Variants in FAAH2 observed in about 807,000 individuals in gnomAD.
The protein encoded by FAAH2 is fatty acid amide hydrolase 2.
Under a neutral mutation model 36.9 loss-of-function variants are expected in FAAH2, and 60 were observed. The observed-to-expected ratio is 1.63, with a 90% CI of 1.32 to 2.02. The LOEUF (loss-of-function observed/expected upper bound fraction) is 2.02. Ranked by LOEUF, FAAH2 falls within the 30% of genes most tolerant of loss-of-function variation. The pLI, the probability that FAAH2 is intolerant of heterozygous loss-of-function variation, is 0.00. For synonymous variants in FAAH2, 214 were observed against 143.8 expected, an observed-to-expected ratio of 1.49 and a Z score of -3.49; for missense variants, 689 against 397.5, an observed-to-expected ratio of 1.73 and a Z score of -6.23.
At chrX:57,441,906 T>C (rs1036368263) in intron 8 of FAAH2, among the ~76,000 whole-genome samples, 3 of 111,752 alleles carry the variant, frequency 2.7e-5, no homozygotes, top group African/African-American at 6.5e-5. Flanking sequence ...AGTTTCCATA[T>C]GGTAGAGCTG....
chrX:57,270,286 G>A, the FAAH2 span, among the ~76,000 whole-genome samples: 1 of 111,500 alleles, frequency 9.0e-6, no homozygotes, highest in African/African-American at 3.3e-5. Context: ...TCTACCAAAT[G>A]TACAAAGAAG....
intron 5 of FAAH2, among the ~76,000 whole-genome samples, chrX:57,351,882 C>T (rs1479081551): frequency 9.6e-6 from 1 of 103,747 alleles, no homozygotes; most frequent in African/African-American, 3.5e-5. Flanking sequence ...CTGAATTCTA[C>T]CAAATAAATA....
the FAAH2 span, among the ~76,000 whole-genome samples, chrX:57,172,906 C>G: frequency 1.8e-5 from 2 of 111,963 alleles, no homozygotes; most frequent in Admixed American, 9.5e-5. Context: ...TGTCTGACTG[C>G]TAAGGTCTCT....
At chrX:57,225,636 G>T in the FAAH2 span, among the ~76,000 whole-genome samples, 3 of 111,789 alleles carry the variant, frequency 2.7e-5, no homozygotes, top group Non-Finnish European at 3.8e-5. Flanking sequence ...GAAATGCTCT[G>T]TAGATATCTG....
the FAAH2 span, among the ~76,000 whole-genome samples, chrX:57,148,936 C>T: frequency 9.0e-6 from 1 of 111,584 alleles, no homozygotes; most frequent in Non-Finnish European, 1.9e-5. Context: ...TATGTCCCGT[C>T]ATACCTAATT....
chrX:57,380,719 A>G (rs1487576347), intron 6 of FAAH2, among the ~76,000 whole-genome samples, 193 bp from the exon 7 acceptor site: 1 of 112,092 alleles, frequency 8.9e-6, no homozygotes, highest in African/African-American at 3.2e-5. Flanking sequence ...TGCATTTCAA[A>G]CCATTCTCTC....
At chrX:57,389,105 G>C (rs1434333409) in intron 7 of FAAH2, among the ~76,000 whole-genome samples, 1 of 106,322 alleles carries the variant, frequency 9.4e-6, no homozygotes, top group Non-Finnish European at 1.9e-5. Context: ...TATTCAATTA[G>C]GTAGTACCAA....
At chrX:57,261,034 A>T in the FAAH2 span, among the ~76,000 whole-genome samples, 1 of 111,747 alleles carries the variant, frequency 8.9e-6, no homozygotes, top group Non-Finnish European at 1.9e-5. Flanking sequence ...CCAATCTTCT[A>T]GATGTTTTTC....
intron 7 of FAAH2, chrX:57,392,599 G>T: frequency 1.2e-6 from 1 of 800,105 alleles, no homozygotes; most frequent in African/African-American, 2.0e-5. Context: ...ATAGACACTG[G>T]CCAGATTTTC....
chrX:57,323,009 G>A (rs953291195), intron 3 of FAAH2, among the ~76,000 whole-genome samples: 13 of 110,068 alleles, frequency 1.2e-4, no homozygotes, highest in African/African-American at 4.3e-4. Context: ...ACAGGCCCCA[G>A]TGTGTGATGT....
intron 10 of FAAH2, among the ~76,000 whole-genome samples, chrX:57,469,195 G>A (rs968852280): frequency 8.1e-5 from 9 of 111,699 alleles, no homozygotes; most frequent in Non-Finnish European, 1.3e-4. Context: ...ATCAACTAAC[G>A]AGCAAAATAA....
intron 7 of FAAH2, among the ~76,000 whole-genome samples, chrX:57,424,619 T>C (rs2056116065): frequency 8.9e-6 from 1 of 111,823 alleles, no homozygotes; most frequent in Admixed American, 9.5e-5. Context: ...ATTAAAACTG[T>C]CTATAACCAA....
the FAAH2 span, among the ~76,000 whole-genome samples, chrX:57,213,458 G>A: frequency 0.075 from 8,319 of 111,283 alleles, 777 homozygotes; most frequent in African/African-American, 0.26. Context: ...TTTGATGTAT[G>A]CATTTAATGC....
the FAAH2 span, among the ~76,000 whole-genome samples, chrX:57,123,328 G>A: frequency 1.2e-4 from 13 of 111,779 alleles, no homozygotes; most frequent in South Asian, 3.7e-4. Context: ...CAAAGGACAC[G>A]GACTCATCAT....
At chrX:57,484,879 G>T (rs1364665005) in intron 10 of FAAH2, among the ~76,000 whole-genome samples, 2 of 111,183 alleles carry the variant, frequency 1.8e-5, no homozygotes, top group Non-Finnish European at 3.8e-5. Flanking sequence ...CTGGACCTGG[G>T]TTGAGCCAGC....
At chrX:57,287,928 C>T (rs1602159522) in intron 1 of FAAH2, among the ~76,000 whole-genome samples, 1 of 111,485 alleles carries the variant, frequency 9.0e-6, no homozygotes, top group Non-Finnish European at 1.9e-5. Context: ...TATTGTACTC[C>T]TGGTTACCTT....
At chrX:57,190,732 C>T in the FAAH2 span, among the ~76,000 whole-genome samples, 2 of 110,217 alleles carry the variant, frequency 1.8e-5, no homozygotes, top group South Asian at 8.1e-4. Context: ...GCATCCATTG[C>T]CTAACCTCTC....
upstream of FAAH2, among the ~76,000 whole-genome samples, chrX:57,283,621 C>T (rs1020230628): frequency 1.8e-5 from 2 of 111,050 alleles, no homozygotes; most frequent in South Asian, 3.9e-4. Context: ...AAGGGTGGGA[C>T]GTCTGTGTAG....
At chrX:57,446,535 A>G (rs1216802629) in intron 8 of FAAH2, among the ~76,000 whole-genome samples, 1 of 111,963 alleles carries the variant, frequency 8.9e-6, no homozygotes, top group Non-Finnish European at 1.9e-5. Flanking sequence ...TATTTTCGTC[A>G]TTCCTAAAAG....
Sources: gnomAD v4.1 joint callset for allele counts (sites outside exome capture counted in the v4.1 genomes callset) on GRCh38, gnomAD v4.1.1 for gene constraint, MANE v1.5 for transcripts, NCBI Gene and HGNC (gene_info 2026-07-23, HGNC 2026-07-21) for gene names.